Variants in SMURF2 observed in about 807,000 individuals in gnomAD.
SMURF2 encodes SMAD specific E3 ubiquitin protein ligase 2.
In SMURF2, 48 loss-of-function variants were observed where a neutral mutation model predicts 109.6. The observed-to-expected ratio is 0.44, with a 90% CI of 0.35 to 0.56. The LOEUF (loss-of-function observed/expected upper bound fraction) is 0.56. Among genes scored for constraint, SMURF2 ranks in the 20% least tolerant of loss-of-function variants. SMURF2 has a pLI of 0.01. For missense variants in SMURF2, 575 were observed against 909.0 expected (o/e 0.63, Z 4.72); for synonymous variants, 288 against 317.1 (o/e 0.91, Z 0.97).
chr17:64,622,015 G>A (rs1555690698), intron 1 of SMURF2, among the ~76,000 whole-genome samples: 1 of 143,960 alleles, frequency 6.9e-6, no homozygotes, highest in East Asian at 2.0e-4. Flanking sequence ...AGCCATCATC[G>A]CACCACTGCA....
In SMURF2 at chr17:64,633,918, A is replaced by T. The variant is rs1009378233; in HGVS notation, c.53-27278T>A. 2.0e-5 allele frequency among the ~76,000 whole-genome samples: 3 copies of T among 152,292 alleles called. No individual in the cohort carries two copies. In the South Asian group the frequency reaches 6.2e-4, roughly 32 times the overall value. Reference sequence around the variant, plus strand: ...ATGCCTGTCATCCCAACACTTTAGGAGGCCGAGGTGGGCAGATCACCTGAG... The same window carrying T: ...ATGCCTGTCATCCCAACACTTTAGGTGGCCGAGGTGGGCAGATCACCTGAG... On this transcript the variant is annotated intron_variant, in intron 1 of 18. Transcript: ENST00000262435.
At chr17:64,598,326 A>C (rs1969845807) in intron 3 of SMURF2, 56 bp downstream of exon 3, 1 of 1,361,776 alleles carries the variant, frequency 7.3e-7, no homozygotes, top group African/African-American at 1.5e-5. Context: ...ATTTTCAAAG[A>C]CTATATCAAA....
chr17:64,650,965 A>G (rs1418775070), intron 1 of SMURF2, among the ~76,000 whole-genome samples: 1 of 151,204 alleles, frequency 6.6e-6, no homozygotes, highest in Non-Finnish European at 1.5e-5. Context: ...TAATCCCAGC[A>G]CTTTGGGAGG....
rs59188589 is a variant in SMURF2 at position 64,545,733 on chromosome 17, AGGG to A, written c.*112_*114del. On this transcript the variant is annotated 3_prime_UTR_variant, in exon 19 of 19. Coordinates refer to ENST00000262435, the MANE Select transcript of SMURF2 (RefSeq NM_022739.4). ...CTAAAATGTAAAAAAAAAAAAAAAA[AGGG>A]GGGGGGGGGGAGTGTTTTCCTGTAT... 1,621 of 79,496 alleles carry A rather than the reference AGGG, an allele frequency of 0.02. 46 individuals are homozygous for A. Among genetic ancestry groups the A allele is most frequent in the African/African-American group, 0.075 (1,451 of 19,342 alleles). The allele number at this position is 79,496 out of a possible 1,614,324, so 4.9% of individuals were successfully genotyped here.
At chr17:64,546,375 G>T in intron 17 of SMURF2, 37 bp from the exon 18 acceptor site, 2 of 1,582,734 alleles carry the variant, frequency 1.3e-6, no homozygotes, top group South Asian at 2.2e-5. Flanking sequence ...ATCACTGCAG[G>T]TGCGTGCATT....
intron 1 of SMURF2, among the ~76,000 whole-genome samples, chr17:64,609,558 C>A (rs988162998): frequency 5.3e-4 from 81 of 152,118 alleles, no homozygotes; most frequent in African/African-American, 1.9e-3. Flanking sequence ...GTTGGGAAAA[C>A]TGACTAGCCA....
chr17:64,625,420 C>A (rs1171225232), intron 1 of SMURF2, among the ~76,000 whole-genome samples: 4 of 152,174 alleles, frequency 2.6e-5, no homozygotes, highest in Non-Finnish European at 1.5e-5. Context: ...TAGTCCTAAT[C>A]TTAAATATTA....
chr17:64,596,038 AT>A (rs199911606), intron 3 of SMURF2, among the ~76,000 whole-genome samples: 11,001 of 148,706 alleles, frequency 0.074, 595 homozygotes, highest in Admixed American at 0.15. Context: ...TAAACCACTG[AT>A]TTTTTTTTTT....
chr17:64,564,531 A>C (rs1969273761), intron 10 of SMURF2, among the ~76,000 whole-genome samples: 1 of 152,174 alleles, frequency 6.6e-6, no homozygotes, highest in African/African-American at 2.4e-5. Flanking sequence ...AGATAAAATT[A>C]AGGTGAGGTA....
At chr17:64,649,936 C>T (rs914907218) in intron 1 of SMURF2, among the ~76,000 whole-genome samples, 3 of 151,598 alleles carry the variant, frequency 2.0e-5, no homozygotes, top group Non-Finnish European at 2.9e-5. Context: ...TATGCTGATA[C>T]AAGACATTTA....
At chr17:64,557,953 A>T (rs1430603285) in intron 12 of SMURF2, among the ~76,000 whole-genome samples, 1 of 152,248 alleles carries the variant, frequency 6.6e-6, no homozygotes, top group African/African-American at 2.4e-5. Context: ...CAATTTTATT[A>T]TATTTTAGCA....
intron 13 of SMURF2, 75 bp downstream of exon 13, chr17:64,557,533 T>C (rs1969139919): frequency 2.0e-6 from 2 of 984,936 alleles, no homozygotes; most frequent in Admixed American, 2.3e-5. Flanking sequence ...ATAATTTCTA[T>C]ATAATAAACT....
intron 3 of SMURF2, among the ~76,000 whole-genome samples, chr17:64,596,033 CACT>C (rs1296764985): frequency 6.7e-6 from 1 of 148,970 alleles, no homozygotes; most frequent in Admixed American, 6.8e-5. Context: ...CAAAATAAAC[CACT>C]GATTTTTTTT....
At chr17:64,626,628 T>C (rs1970272174) in intron 1 of SMURF2, among the ~76,000 whole-genome samples, 1 of 152,018 alleles carries the variant, frequency 6.6e-6, no homozygotes, top group Non-Finnish European at 1.5e-5. Flanking sequence ...CCAGGCGTGG[T>C]GGCAGGCACC....
chr17:64,551,672 A>G lies in SMURF2; in HGVS notation c.1781T>C (p.Ile594Thr), dbSNP rs1555683629. The G allele has an allele frequency of 1.2e-6, 2 of 1,614,102 alleles. No individual in the cohort carries two copies. Among genetic ancestry groups the G allele is most frequent in the Admixed American group, 1.7e-5 (1 of 60,026 alleles). Residue 594 changes from isoleucine (I) to threonine (T), a missense_variant, in exon 16 of 19, where the codon ATT (isoleucine) becomes ACT (threonine). Physicochemically the swap from Ile to Thr is moderately conservative, Grantham distance 89. Coordinates refer to ENST00000262435, the MANE Select transcript of SMURF2 (RefSeq NM_022739.4). ...LYVNWRFLRGIEAQFLALQKG... is the reference protein window; with the variant it reads ...LYVNWRFLRGTEAQFLALQKG... Reference sequence around the variant, plus strand: ...CTGCAGAGCCAAGAATTGAGCCTCAATGCCTCGTAAAAATCTCCAGTTCAC... The same window carrying G: ...CTGCAGAGCCAAGAATTGAGCCTCAGTGCCTCGTAAAAATCTCCAGTTCAC...
At chr17:64,598,773 C>A (rs1436162993) in intron 2 of SMURF2, among the ~76,000 whole-genome samples, 1 of 152,114 alleles carries the variant, frequency 6.6e-6, no homozygotes, top group Non-Finnish European at 1.5e-5. Flanking sequence ...AGGTTGTTAC[C>A]AGCCCTCTGA....
intron 9 of SMURF2, among the ~76,000 whole-genome samples, chr17:64,576,692 G>A (rs782515792): frequency 2.6e-5 from 4 of 151,778 alleles, no homozygotes; most frequent in East Asian, 3.9e-4. Context: ...ATTAAATTAC[G>A]TTGTTTTCTA....
intron 2 of SMURF2, among the ~76,000 whole-genome samples, chr17:64,605,368 G>T (rs2144673319): frequency 6.6e-6 from 1 of 151,942 alleles, no homozygotes; most frequent in South Asian, 2.1e-4. Context: ...CTTTAATTCA[G>T]GTTCTGCTCT....
chr17:64,625,512 C>T (rs150118358), intron 1 of SMURF2, among the ~76,000 whole-genome samples: 60 of 152,292 alleles, frequency 3.9e-4, no homozygotes, highest in African/African-American at 1.4e-3. Context: ...TTGTATTCAA[C>T]ACAGATCTCT....
Sources: allele counts gnomAD v4.1 joint callset (sites outside exome capture counted in the v4.1 genomes callset), GRCh38; gene constraint gnomAD v4.1.1; transcripts MANE v1.5; gene names NCBI Gene and HGNC (gene_info 2026-07-23, HGNC 2026-07-21).